The following XKR6 variants were observed in gnomAD, a reference collection of about 807,000 sequenced individuals.
XKR6 encodes the protein XK-related protein 6.
Under a neutral mutation model 56.7 loss-of-function variants are expected in XKR6, and 22 were observed. The observed-to-expected ratio is 0.39, with a 90% CI of 0.28 to 0.55. The LOEUF is 0.55. Among genes scored for constraint, XKR6 ranks in the 20% least tolerant of loss-of-function variants. The pLI, the probability that XKR6 is intolerant of heterozygous loss-of-function variation, is 0.66. For synonymous variants in XKR6, 524 were observed against 387.8 expected, an observed-to-expected ratio of 1.35 and a Z score of -4.13; for missense variants, 852 against 889.0, an observed-to-expected ratio of 0.96 and a Z score of 0.53.
intron 1 of XKR6, among the ~76,000 whole-genome samples, chr8:11,007,168 A>T (rs375587933): frequency 6.6e-6 from 1 of 152,274 alleles, no homozygotes; most frequent in East Asian, 1.9e-4. Flanking sequence ...CAGCCAATGT[A>T]TGACCATGAG....
intron 1 of XKR6, among the ~76,000 whole-genome samples, chr8:11,071,846 C>T (rs1461552311): frequency 6.8e-6 from 1 of 146,512 alleles, no homozygotes; most frequent in African/African-American, 2.7e-5. Context: ...AGTGAAAGTC[C>T]TCTCTGTTCA....
intron 1 of XKR6, among the ~76,000 whole-genome samples, chr8:10,933,593 T>C (rs1801130402): frequency 1.9e-5 from 2 of 103,034 alleles, no homozygotes; most frequent in Admixed American, 1.6e-4. Flanking sequence ...AAGGAAGGGA[T>C]CCAGTTTCAG....
intron 1 of XKR6, among the ~76,000 whole-genome samples, chr8:11,058,949 A>T (rs1031780295): frequency 3.3e-5 from 5 of 152,264 alleles, no homozygotes; most frequent in Non-Finnish European, 5.9e-5. Flanking sequence ...CTTAATCTGT[A>T]CAACTTCGCA....
At chr8:10,921,905 T>C (rs889013619) in intron 2 of XKR6, among the ~76,000 whole-genome samples, 3 of 152,194 alleles carry the variant, frequency 2.0e-5, no homozygotes, top group Admixed American at 6.5e-5. Context: ...GCCAGTGTGA[T>C]AGGATTACGA....
chr8:10,946,806 C>G (rs946109579), intron 1 of XKR6, among the ~76,000 whole-genome samples: 3 of 152,114 alleles, frequency 2.0e-5, no homozygotes, highest in Non-Finnish European at 2.9e-5. Flanking sequence ...CAGGTTGGAA[C>G]AGCAGGAAAG....
chr8:11,071,386 C>A lies in XKR6; in HGVS notation c.764+129190G>T, dbSNP rs543103906. On this transcript the variant is annotated intron_variant, in intron 1 of 2. Transcript: ENST00000416569. Reference sequence around the variant, plus strand: ...TCCCAAGTAGCTAGGATTACAGGCACGCGCCACCATGCCTGTCTAGTTTTT... The same window carrying A: ...TCCCAAGTAGCTAGGATTACAGGCAAGCGCCACCATGCCTGTCTAGTTTTT... Among the ~76,000 whole-genome samples the A allele has an allele frequency of 2.0e-4, 30 of 152,290 alleles. 1 individual carries two copies. The South Asian group carries it at 2.1e-3, about 11-fold the overall frequency.
intron 1 of XKR6, among the ~76,000 whole-genome samples, chr8:11,024,136 G>T (rs562976734): frequency 6.6e-6 from 1 of 151,314 alleles, no homozygotes; most frequent in Non-Finnish European, 1.5e-5. Context: ...GAATTCCCTC[G>T]CCCTCAAGTT....
At chr8:10,997,935 A>C (rs1798151922) in intron 1 of XKR6, among the ~76,000 whole-genome samples, 2 of 152,216 alleles carry the variant, frequency 1.3e-5, no homozygotes, top group South Asian at 2.1e-4. Flanking sequence ...AGTCTCAATC[A>C]CAGGATGCTT....
chr8:11,009,061 C>T (rs1798440293), intron 1 of XKR6, among the ~76,000 whole-genome samples: 1 of 148,398 alleles, frequency 6.7e-6, no homozygotes, highest in African/African-American at 2.5e-5. Flanking sequence ...CAAATTACAC[C>T]TCTCCTGGGT....
At chr8:10,966,213 G>C (rs1429674817) in intron 1 of XKR6, among the ~76,000 whole-genome samples, 1 of 152,160 alleles carries the variant, frequency 6.6e-6, no homozygotes, top group Non-Finnish European at 1.5e-5. Flanking sequence ...CATTCAGTAT[G>C]TCGAGGGTAG....
At chr8:10,978,941 T>A (rs1353219039) in intron 1 of XKR6, among the ~76,000 whole-genome samples, 1 of 152,156 alleles carries the variant, frequency 6.6e-6, no homozygotes, top group Non-Finnish European at 1.5e-5. Flanking sequence ...CCCTGTGTCA[T>A]CTCACAGAGA....
intron 1 of XKR6, among the ~76,000 whole-genome samples, chr8:10,952,970 G>C (rs563527856): frequency 6.6e-6 from 1 of 152,136 alleles, no homozygotes; most frequent in Non-Finnish European, 1.5e-5. Flanking sequence ...GCCTGCGAGG[G>C]ATCTAGGCTG....
intron 1 of XKR6, chr8:11,114,144 T>A: frequency 2.4e-6 from 1 of 409,110 alleles, no homozygotes; most frequent in South Asian, 1.8e-5. Flanking sequence ...ATGAAATCTC[T>A]AACATGACAC....
intron 1 of XKR6, among the ~76,000 whole-genome samples, chr8:11,059,961 C>T (rs1275884111): frequency 6.6e-6 from 1 of 152,208 alleles, no homozygotes; most frequent in Admixed American, 6.5e-5. Flanking sequence ...ATAGCTCGCC[C>T]AACTCAGGGG....
intron 1 of XKR6, among the ~76,000 whole-genome samples, chr8:11,031,982 A>T (rs1159693578): frequency 6.6e-6 from 1 of 152,178 alleles, no homozygotes; most frequent in African/African-American, 2.4e-5. Flanking sequence ...GCCTAGCCAC[A>T]GCTGTTTCCA....
chr8:10,904,137 G>A (rs781227950), intron 2 of XKR6, among the ~76,000 whole-genome samples: 20 of 152,120 alleles, frequency 1.3e-4, no homozygotes, highest in Admixed American at 3.3e-4. Flanking sequence ...CACGCTTCAC[G>A]TTTGGCTGTG....
chr8:11,158,552 T>C (rs560534776), intron 1 of XKR6, among the ~76,000 whole-genome samples: 29 of 152,274 alleles, frequency 1.9e-4, no homozygotes, highest in Non-Finnish European at 3.7e-4. Context: ...CTAAAAACCT[T>C]TGTGTTTACT....
intron 1 of XKR6, among the ~76,000 whole-genome samples, chr8:11,038,943 C>T (rs1360551125): frequency 2.0e-5 from 3 of 152,144 alleles, no homozygotes; most frequent in Admixed American, 6.5e-5. Flanking sequence ...TACACTCACT[C>T]GTTTCCCACT....
intron 1 of XKR6, among the ~76,000 whole-genome samples, chr8:11,076,319 G>C (rs1054405283): frequency 6.6e-6 from 1 of 152,168 alleles, no homozygotes. Context: ...ACAACAAGGT[G>C]AATGTTCTTA....
Sources: allele counts gnomAD v4.1 joint callset (sites outside exome capture counted in the v4.1 genomes callset), GRCh38; gene constraint gnomAD v4.1.1; transcripts MANE v1.5; gene names NCBI Gene and HGNC (gene_info 2026-07-23, HGNC 2026-07-21).